The following PCDHGA5 variants were observed in gnomAD, a reference collection of about 807,000 sequenced individuals.
The protein encoded by PCDHGA5 is protocadherin gamma-A5.
Under a neutral mutation model 56.7 loss-of-function variants are expected in PCDHGA5, and 36 were observed. That is an observed-to-expected ratio of 0.64 (90% CI 0.49 to 0.84). PCDHGA5 has a LOEUF of 0.84. Ranked by LOEUF, PCDHGA5 falls within the 40% of genes least tolerant of loss-of-function variation. The pLI is 0.00. For synonymous variants in PCDHGA5, 563 were observed against 520.2 expected, an observed-to-expected ratio of 1.08 and a Z score of -1.12; for missense variants, 1,305 against 1,201.5, an observed-to-expected ratio of 1.09 and a Z score of -1.27.
At chr5:141,414,921 G>T (rs746806079) in intron 1 of PCDHGA5, 22 of 1,613,992 alleles carry the variant, frequency 1.4e-5, no homozygotes, top group East Asian at 4.5e-5. Context: ...TGGAGCTGGC[G>T]CCCCGCTCCG....
At position 141,502,487 on chromosome 5, in the gene PCDHGA5, C is replaced by T. The variant is rs563658817; in HGVS notation, c.2481-2906C>T. ...TACTTCCCGCAGCATCACACTGGGACTCATCTAACGTCGGCCTGTCCCACT... is the reference window on the plus strand; with the variant it reads ...TACTTCCCGCAGCATCACACTGGGATTCATCTAACGTCGGCCTGTCCCACT... On this transcript the variant is annotated intron_variant, in intron 2 of 3. Coordinates refer to ENST00000518069, the MANE Select transcript of PCDHGA5 (RefSeq NM_018918.3). Among the ~76,000 whole-genome samples, 92 of 152,298 alleles carry T rather than the reference C, an allele frequency of 6.0e-4. 3 individuals are homozygous for T. The highest frequency in any genetic ancestry group is 1.5e-4 in the Non-Finnish European group (10 of 68,030).
At chr5:141,398,534 A>T in intron 1 of PCDHGA5, 1 of 1,613,768 alleles carries the variant, frequency 6.2e-7, no homozygotes, top group South Asian at 1.1e-5. Flanking sequence ...TTCACGCAAA[A>T]TTCCTTTGAG....
intron 1 of PCDHGA5, chr5:141,424,567 A>T (rs1034112526): frequency 3.3e-5 from 5 of 152,176 alleles, no homozygotes; most frequent in African/African-American, 7.2e-5. Flanking sequence ...CTTCTCAAAA[A>T]CCTATTTTCA....
chr5:141,384,898 A>G (rs982769749), intron 1 of PCDHGA5: 168 of 1,613,752 alleles, frequency 1.0e-4, no homozygotes, highest in Non-Finnish European at 1.3e-4. Flanking sequence ...TGTGGCTGAC[A>G]GCATCCCCGA....
intron 2 of PCDHGA5, among the ~76,000 whole-genome samples, chr5:141,495,678 C>T (rs1340336428): frequency 6.6e-6 from 1 of 152,180 alleles, no homozygotes; most frequent in African/African-American, 2.4e-5. Context: ...CTGTGCCTGC[C>T]ATGGCATAAG....
chr5:141,393,766 A>G, intron 1 of PCDHGA5: 2 of 1,613,950 alleles, frequency 1.2e-6, no homozygotes. Flanking sequence ...TATGAAATGG[A>G]AATACAAGCC....
At chr5:141,399,656 T>G in intron 1 of PCDHGA5, 1 of 1,613,694 alleles carries the variant, frequency 6.2e-7, no homozygotes, top group Non-Finnish European at 8.5e-7. Context: ...AGTGGGGTGG[T>G]GTTCGCGCAG....
Position 141,487,532 on chromosome 5 carries a change from A to C in PCDHGA5, c.2422-7275A>C. 6.2e-7 allele frequency: 1 copy of C among 1,614,158 alleles called. No homozygotes were observed. Among genetic ancestry groups the C allele is most frequent in the Non-Finnish European group, 8.5e-7 (1 of 1,180,022 alleles). On this transcript the variant is annotated intron_variant, in intron 1 of 3. Transcript: ENST00000518069. This position sits in a 1 kb window ranked among gnomAD's most constrained non-coding sequence, Gnocchi z 5.0. Reference sequence around the variant, plus strand: ...ACCCACTCGGAGTGATAGCTTCATGATGGTGAAGTCACCCAGTGCACCTAT... The same window carrying C: ...ACCCACTCGGAGTGATAGCTTCATGCTGGTGAAGTCACCCAGTGCACCTAT...
chr5:141,510,837 GTCAAGGCCCAGGGTGC>G, intron 3 of PCDHGA5, 94 bp from the exon 4 acceptor site: 1 of 1,586,392 alleles, frequency 6.3e-7, no homozygotes, highest in Non-Finnish European at 8.6e-7. Flanking sequence ...GCTCAGCGTG[GTCAAGGCCCAGGGTGC>G]TGTATAGGCA....
In PCDHGA5 at chr5:141,423,466, G is replaced by T. The variant is rs770939556; in HGVS notation, c.2421+56715G>T. On this transcript the variant is annotated intron_variant, in intron 1 of 3. Coordinates refer to ENST00000518069, the MANE Select transcript of PCDHGA5 (RefSeq NM_018918.3). Reference sequence around the variant, plus strand: ...GTCACATTTTGTAGGCGTGGACGGGGTACAGGCTTTCCTGCAAACCTATTC... The same window carrying T: ...GTCACATTTTGTAGGCGTGGACGGGTTACAGGCTTTCCTGCAAACCTATTC... 6 of 1,614,022 alleles carry T rather than the reference G, an allele frequency of 3.7e-6. No homozygotes were observed. In the Admixed American group the frequency reaches 5.0e-5, roughly 13 times the overall value.
At chr5:141,500,227 G>T (rs959087347) in intron 2 of PCDHGA5, among the ~76,000 whole-genome samples, 15 of 116,224 alleles carry the variant, frequency 1.3e-4, no homozygotes, top group African/African-American at 2.9e-4. Context: ...TTTATTTATT[G>T]ATACGTAGCC....
intron 1 of PCDHGA5, chr5:141,394,616 C>G: frequency 6.2e-7 from 1 of 1,613,490 alleles, no homozygotes; most frequent in Non-Finnish European, 8.5e-7. Flanking sequence ...CGGGCCAGAA[C>G]GCCTGGCTGT....
In PCDHGA5 at chr5:141,485,051, CCGAACCGCG is replaced by C. The variant is rs2099605816; in HGVS notation, c.2422-9754_2422-9746del. On this transcript the variant is annotated intron_variant, in intron 1 of 3. Coordinates refer to ENST00000518069, the MANE Select transcript of PCDHGA5 (RefSeq NM_018918.3). This position sits in a 1 kb window ranked among gnomAD's most constrained non-coding sequence, Gnocchi z 5.7. ...CGGCGCGTAACCCTTGCGGCGCCGG[CCGAACCGCG>C]CCAGAGCTGGCGCGGGGAAAGGGAG... 1.2e-6 allele frequency: 1 copy of C among 801,304 alleles called. No individual in the cohort carries two copies. Among genetic ancestry groups the C allele is most frequent in the East Asian group, 2.5e-5 (1 of 40,224 alleles). 49.6% of individuals were successfully genotyped at this position (801,304 alleles called of 1,614,324 possible). A position where few individuals can be genotyped will look rare whatever the true frequency, so the allele number is the denominator to read the frequency against.
chr5:141,364,450 CA>C lies in PCDHGA5; in HGVS notation c.123del (p.Gly42AlafsTer7), dbSNP rs754806491. ...IRYSMPEELD[K>X]GSFVGNIAKD... ...GCTACTCGATGCCGGAGGAGCTGGA[CA>C]AAGGCTCCTTCGTCGGCAACATAGC... is the stretch of plus-strand genomic sequence containing the variant. On this transcript the variant is annotated frameshift_variant, in exon 1 of 4. Coordinates refer to ENST00000518069, the MANE Select transcript of PCDHGA5 (RefSeq NM_018918.3). LOFTEE classifies it high-confidence loss of function. 1.9e-6 allele frequency: 3 copies of C among 1,613,980 alleles called. No individual in the cohort carries two copies. The highest frequency in any genetic ancestry group is 2.5e-6 in the Non-Finnish European group (3 of 1,179,862).
At chr5:141,502,866 C>CTTTTTTTT (rs549047197) in intron 2 of PCDHGA5, among the ~76,000 whole-genome samples, 38,988 of 127,080 alleles carry the variant, frequency 0.31, 7,978 homozygotes, top group African/African-American at 0.51. Flanking sequence ...GACTCTCTGT[C>CTTTTTTTT]TTTTTTTTTT....
chr5:141,477,890 C>T lies in PCDHGA5; in HGVS notation c.2422-16917C>T, dbSNP rs202114426. ...TACCTCAGCTGGCCACCTAGTGTCA[C>T]GGGTGGTAGGCTGGGACGCGGATGC... is the stretch of plus-strand genomic sequence containing the variant. On this transcript the variant is annotated intron_variant, in intron 1 of 3. Coordinates refer to ENST00000518069, the MANE Select transcript of PCDHGA5 (RefSeq NM_018918.3). This position sits in a 1 kb window ranked among gnomAD's most constrained non-coding sequence, Gnocchi z 4.9. 9.9e-6 allele frequency: 16 copies of T among 1,614,086 alleles called. No individual in the cohort carries two copies. Among genetic ancestry groups the T allele is most frequent in the Admixed American group, 1.7e-5 (1 of 60,006 alleles).
At chr5:141,381,826 CT>C (rs770630741) in intron 1 of PCDHGA5, among the ~76,000 whole-genome samples, 3,016 of 74,262 alleles carry the variant, frequency 0.041, 29 homozygotes, top group African/African-American at 0.078. Flanking sequence ...CTTTCTTCTT[CT>C]TTTTTTTTTT....
intron 1 of PCDHGA5, among the ~76,000 whole-genome samples, chr5:141,444,463 G>T (rs570185430): frequency 6.6e-6 from 1 of 152,144 alleles, no homozygotes; most frequent in Admixed American, 6.5e-5. Flanking sequence ...GAGTCACTGC[G>T]CCCGGTCGCG....
At chr5:141,376,108 G>A (rs368739165) in intron 1 of PCDHGA5, 172 of 1,613,770 alleles carry the variant, frequency 1.1e-4, no homozygotes, top group Middle Eastern at 1.0e-3. Context: ...TGGCCGACCT[G>A]GGCAGCCTCG....
Sources: gnomAD v4.1 joint callset for allele counts (sites outside exome capture counted in the v4.1 genomes callset) on GRCh38, gnomAD v4.1.1 for gene constraint, Gnocchi (gnomAD v3.1) non-coding constraint, MANE v1.5 for transcripts, NCBI Gene and HGNC (gene_info 2026-07-23, HGNC 2026-07-21) for gene names.